Variants in MTHFD1L observed in about 807,000 individuals in gnomAD.
The protein encoded by MTHFD1L is monofunctional C1-tetrahydrofolate synthase, mitochondrial.
MTHFD1L carries 81 observed loss-of-function variants against 119.5 expected under a neutral mutation model. The ratio of observed to expected loss-of-function variants is 0.68; its 90% confidence interval spans 0.57 to 0.82. The LOEUF (loss-of-function observed/expected upper bound fraction) is 0.82. Among genes scored for constraint, MTHFD1L ranks in the 40% least tolerant of loss-of-function variants. The pLI is 0.00. For synonymous variants in MTHFD1L, 430 were observed against 475.2 expected, an observed-to-expected ratio of 0.90 and a Z score of 1.24; for missense variants, 1,125 against 1,253.4, an observed-to-expected ratio of 0.90 and a Z score of 1.55.
chr6:150,907,171 T>C (rs926065456), intron 8 of MTHFD1L, among the ~76,000 whole-genome samples: 18 of 152,236 alleles, frequency 1.2e-4, no homozygotes, highest in African/African-American at 3.9e-4. Flanking sequence ...AAAGTTTTCA[T>C]GTAGGACAGT....
At chr6:150,974,017 C>T (rs1305093912) in intron 20 of MTHFD1L, among the ~76,000 whole-genome samples, 2 of 152,200 alleles carry the variant, frequency 1.3e-5, no homozygotes, top group African/African-American at 2.4e-5. Flanking sequence ...TCTATGATCT[C>T]ATCTAGTCTA....
chr6:151,023,486 G>A (rs1229132265), intron 24 of MTHFD1L, among the ~76,000 whole-genome samples: 11 of 152,212 alleles, frequency 7.2e-5, no homozygotes, highest in Admixed American at 7.2e-4. Context: ...CACCCAGCCT[G>A]CCAGGCACGT....
chr6:151,098,614 A>C (rs761978534), intron 27 of MTHFD1L, among the ~76,000 whole-genome samples: 1 of 152,202 alleles, frequency 6.6e-6, no homozygotes, highest in Non-Finnish European at 1.5e-5. Flanking sequence ...CTTAGGTAAC[A>C]ATTCTGAAAT....
At chr6:151,083,914 G>A (rs939394427) in intron 26 of MTHFD1L, among the ~76,000 whole-genome samples, 2 of 152,180 alleles carry the variant, frequency 1.3e-5, no homozygotes, top group Non-Finnish European at 2.9e-5. Context: ...TGGGGATAAT[G>A]TAAATAACAA....
intron 7 of MTHFD1L, among the ~76,000 whole-genome samples, chr6:150,901,297 T>A (rs1214258611): frequency 6.6e-6 from 1 of 152,158 alleles, no homozygotes; most frequent in Non-Finnish European, 1.5e-5. Context: ...GGTGAAACCC[T>A]GTCTCTACAA....
intron 20 of MTHFD1L, among the ~76,000 whole-genome samples, chr6:150,998,822 C>CAAAAA (rs72203332): frequency 3.0e-5 from 3 of 101,130 alleles, no homozygotes; most frequent in South Asian, 3.4e-4. Context: ...TCTAAAAATA[C>CAAAAA]AAAAAAAAAA....
chr6:151,026,471 C>T (rs879689472), intron 24 of MTHFD1L, among the ~76,000 whole-genome samples: 3 of 152,132 alleles, frequency 2.0e-5, no homozygotes, highest in South Asian at 2.1e-4. Context: ...AGTGAACACA[C>T]GATACATCTT....
At chr6:150,972,457 A>G (rs1345366593) in intron 20 of MTHFD1L, among the ~76,000 whole-genome samples, 5 of 152,206 alleles carry the variant, frequency 3.3e-5, no homozygotes, top group African/African-American at 4.8e-5. Context: ...TTGAGAACCT[A>G]CCACTTAGAA....
intron 26 of MTHFD1L, chr6:151,088,170 C>G (rs1279729853): frequency 1.3e-5 from 2 of 152,144 alleles, no homozygotes; most frequent in Non-Finnish European, 2.9e-5. Context: ...CCACATTATG[C>G]TTGCTCAACA....
At chr6:150,945,573 A>G (rs1415318665) in intron 15 of MTHFD1L, 32 bp downstream of exon 15, 1 of 1,592,172 alleles carries the variant, frequency 6.3e-7, no homozygotes, top group Non-Finnish European at 8.6e-7. Flanking sequence ...CTTTAAAAAG[A>G]AAATATCGTA....
intron 20 of MTHFD1L, among the ~76,000 whole-genome samples, chr6:150,997,131 T>A (rs1271101680): frequency 6.6e-6 from 1 of 152,204 alleles, no homozygotes; most frequent in East Asian, 1.9e-4. Flanking sequence ...TTCTCAGCAC[T>A]GTGTCCTGGT....
intron 26 of MTHFD1L, among the ~76,000 whole-genome samples, chr6:151,047,262 A>G (rs1008413520): frequency 1.3e-5 from 2 of 152,216 alleles, no homozygotes; most frequent in Non-Finnish European, 2.9e-5. Flanking sequence ...AATGTTAAGT[A>G]AGGACTTACC....
chr6:150,922,284 C>T lies in MTHFD1L; in HGVS notation c.1064C>T (p.Pro355Leu), dbSNP rs1400340939. ...AGACTTCACTGCTTGAAACTTCAGC[C>T]TCTCTCCCCTGTGCCAAGGTAACAC... is the stretch of plus-strand genomic sequence containing the variant. ...RWRLHCLKLQ[P>L]LSPVPSDIEI... Residue 355 changes from proline (P) to leucine (L), a missense_variant, in exon 10 of 28, where the codon CCT (proline) becomes CTT (leucine). By Grantham distance (98) the Pro-to-Leu change is moderately conservative. This residue lies in a region of MTHFD1L where 1,058 missense variants were observed against 1,151.2 expected (regional missense o/e 0.92). Transcript: ENST00000367321. The T allele has an allele frequency of 1.9e-6, 3 of 1,613,822 alleles. No homozygotes were observed. Among genetic ancestry groups the T allele is most frequent in the African/African-American group, 2.7e-5 (2 of 74,894 alleles).
chr6:150,875,970 G>A (rs2073068), intron 1 of MTHFD1L, 120 bp from the exon 2 acceptor site: 58,778 of 770,734 alleles, frequency 0.076, 3,552 homozygotes, highest in East Asian at 0.23. Flanking sequence ...CTTGGAGTGC[G>A]TCCTTCTGTG....
intron 20 of MTHFD1L, among the ~76,000 whole-genome samples, chr6:150,992,636 T>G (rs1779202992): frequency 6.6e-6 from 1 of 152,188 alleles, no homozygotes; most frequent in South Asian, 2.1e-4. Context: ...GATGAGTATG[T>G]GGTTACATCT....
chr6:151,004,011 A>T (rs1423884012), intron 20 of MTHFD1L, among the ~76,000 whole-genome samples: 54 of 134,664 alleles, frequency 4.0e-4, no homozygotes, highest in Admixed American at 8.2e-4. Flanking sequence ...TTTTTTTTAA[A>T]AAAAAAAAAA....
chr6:150,866,521 G>A, intron 1 of MTHFD1L: 2 of 1,287,554 alleles, frequency 1.6e-6, no homozygotes, highest in South Asian at 2.4e-5. Context: ...AGGCGGGCTC[G>A]GGCCCAGCGC....
At chr6:151,078,828 C>CAGGG (rs1792838128) in intron 26 of MTHFD1L, among the ~76,000 whole-genome samples, 1 of 152,104 alleles carries the variant, frequency 6.6e-6, no homozygotes, top group Admixed American at 6.6e-5. Flanking sequence ...CACCTGCACT[C>CAGGG]AGGGAGGGAC....
chr6:151,055,268 A>G lies in MTHFD1L; in HGVS notation c.2847+18151A>G, dbSNP rs937403807. Among the ~76,000 whole-genome samples, 46 of 128,724 alleles carry G rather than the reference A, an allele frequency of 3.6e-4. 1 individual carries two copies. Among genetic ancestry groups the G allele is most frequent in the Admixed American group, 1.4e-3 (16 of 11,626 alleles). The allele number at this position is 128,724 out of a possible 152,430, so 84.4% of individuals were successfully genotyped here. A position where few individuals can be genotyped will look rare whatever the true frequency, so the allele number is the denominator to read the frequency against. ...GACAGAGGGAGACTCCGTCTCAAGGAAAAAAAAAAAACTTAACTAGAACAT... is the reference window on the plus strand; with the variant it reads ...GACAGAGGGAGACTCCGTCTCAAGGGAAAAAAAAAAACTTAACTAGAACAT... On this transcript the variant is annotated intron_variant, in intron 26 of 27. Coordinates refer to ENST00000367321, the MANE Select transcript of MTHFD1L (RefSeq NM_015440.5).
Sources: allele counts gnomAD v4.1 joint callset (sites outside exome capture counted in the v4.1 genomes callset), GRCh38; gene constraint gnomAD v4.1.1; regional missense constraint gnomAD v4.1.1; transcripts MANE v1.5; gene names NCBI Gene and HGNC (gene_info 2026-07-23, HGNC 2026-07-21).